Variants in HTR2A observed in about 807,000 individuals in gnomAD.
HTR2A encodes 5-HT2 receptor.
Under a neutral mutation model 31.0 loss-of-function variants are expected in HTR2A, and 14 were observed. The ratio of observed to expected loss-of-function variants is 0.45; its 90% CI spans 0.30 to 0.71. The LOEUF is 0.71. Among genes scored for constraint, HTR2A ranks in the 30% least tolerant of loss-of-function variants. HTR2A has a pLI of 0.09. For synonymous variants in HTR2A, 209 were observed against 225.2 expected, an observed-to-expected ratio of 0.93 and a Z score of 0.64; for missense variants, 442 against 573.3, an observed-to-expected ratio of 0.77 and a Z score of 2.34.
At chr13:46,848,444 A>C (rs1461306843) in intron 3 of HTR2A, among the ~76,000 whole-genome samples, 2 of 152,220 alleles carry the variant, frequency 1.3e-5, no homozygotes, top group African/African-American at 2.4e-5. Context: ...TTAATGAGTC[A>C]AGGTAGAACT....
chr13:46,890,718 C>T (rs1193788926), intron 3 of HTR2A, among the ~76,000 whole-genome samples: 2 of 152,106 alleles, frequency 1.3e-5, no homozygotes, highest in East Asian at 1.9e-4. Flanking sequence ...ACCAATGGCA[C>T]AGTATATTGG....
intron 3 of HTR2A, among the ~76,000 whole-genome samples, chr13:46,885,004 C>T (rs1950995487): frequency 6.6e-6 from 1 of 152,122 alleles, no homozygotes; most frequent in African/African-American, 2.4e-5. Flanking sequence ...ATTCCAAGAC[C>T]TCCAGTAGAT....
intron 3 of HTR2A, 31 bp from the exon 4 acceptor site, chr13:46,835,670 A>G (rs1158460621): frequency 1.3e-6 from 2 of 1,506,284 alleles, no homozygotes; most frequent in Non-Finnish European, 1.8e-6. Context: ...AAACATGATT[A>G]TTAAGGAATT....
chr13:46,863,391 G>A (rs1239268752), intron 3 of HTR2A, among the ~76,000 whole-genome samples: 5 of 152,042 alleles, frequency 3.3e-5, no homozygotes, highest in African/African-American at 4.8e-5. Context: ...GGAAGGCTGA[G>A]GTGGAAGGAT....
At chr13:46,877,687 A>G (rs950107180) in intron 3 of HTR2A, among the ~76,000 whole-genome samples, 2 of 152,100 alleles carry the variant, frequency 1.3e-5, no homozygotes, top group South Asian at 4.2e-4. Context: ...GTGACCTAGT[A>G]GGGGAATAAA....
At chr13:46,897,431 T>C (rs1347490387), upstream of HTR2A, among the ~76,000 whole-genome samples, 1 of 152,212 alleles carries the variant, frequency 6.6e-6, no homozygotes, top group Non-Finnish European at 1.5e-5. Context: ...TAGGCACGTC[T>C]GTGGTGATAA....
intron 3 of HTR2A, among the ~76,000 whole-genome samples, chr13:46,874,511 T>C (rs1465732110): frequency 6.6e-6 from 1 of 152,256 alleles, no homozygotes; most frequent in African/African-American, 2.4e-5. Flanking sequence ...GTTAAATATA[T>C]GTACACATAT....
chr13:46,863,878 A>T (rs1305825940), intron 3 of HTR2A, among the ~76,000 whole-genome samples: 1 of 152,108 alleles, frequency 6.6e-6, no homozygotes, highest in Admixed American at 6.5e-5. Context: ...AAAGATCTAG[A>T]GGCAGAAATA....
At chr13:46,861,739 T>C (rs1160023931) in intron 3 of HTR2A, among the ~76,000 whole-genome samples, 1 of 152,200 alleles carries the variant, frequency 6.6e-6, no homozygotes, top group African/African-American at 2.4e-5. Context: ...GAGCAATTAG[T>C]GTTTGGGAGA....
In HTR2A at chr13:46,858,934, A is replaced by G. The variant is rs531011274; in HGVS notation, c.614-23295T>C. On this transcript the variant is annotated intron_variant, in intron 3 of 3. Coordinates refer to ENST00000542664, the MANE Select transcript of HTR2A (RefSeq NM_000621.5). ...CCCTGATCTCACAATTGACTGAAAA[A>G]TCATGAGTCACTAAGACGTTCGAAT... Among the ~76,000 whole-genome samples, 3 of 152,324 alleles carry G rather than the reference A, an allele frequency of 2.0e-5. No individual in the cohort carries two copies. The South Asian group carries it at 6.2e-4, about 32-fold the overall frequency.
Position 46,895,966 on chromosome 13 carries a change from C to T in HTR2A, c.-60G>A. 1.3e-6 allele frequency: 2 copies of T among 1,541,470 alleles called. No homozygotes were observed. The highest frequency in any genetic ancestry group is 1.3e-5 in the South Asian group (1 of 77,898). On this transcript the variant is annotated 5_prime_UTR_variant, in exon 2 of 4. Transcript: ENST00000542664. The surrounding 1 kb of genome is among the most constrained non-coding windows in gnomAD (Gnocchi z 4.4). ...AAGGACTAACAGGTTATAGTTTCTG[C>T]TCACCATTCACCTTGATGTACCCAC... is the stretch of plus-strand genomic sequence containing the variant.
rs116244453 is a variant in HTR2A at position 46,894,414 on chromosome 13, T to G, written c.412+1081A>C. The stretch of plus-strand genomic sequence containing the variant: ...GATGCCGGGGAAAGGGCAGGCAAAT[T>G]AAATGAAATCATTCCGGTGTGGCAT... On this transcript the variant is annotated intron_variant, in intron 2 of 3. Coordinates refer to ENST00000542664, the MANE Select transcript of HTR2A (RefSeq NM_000621.5). Among the ~76,000 whole-genome samples, 1,234 of 152,298 alleles carry G rather than the reference T, an allele frequency of 8.1e-3. 22 individuals carry two copies. The highest frequency in any genetic ancestry group is 0.028 in the African/African-American group (1,146 of 41,566).
chr13:46,865,557 G>A (rs969052782), intron 3 of HTR2A, among the ~76,000 whole-genome samples: 19 of 152,210 alleles, frequency 1.2e-4, no homozygotes, highest in African/African-American at 4.6e-4. Context: ...GACTGTACTT[G>A]GAGCAGCAAT....
At chr13:46,842,841 C>T (rs1265670891) in intron 3 of HTR2A, among the ~76,000 whole-genome samples, 2 of 152,212 alleles carry the variant, frequency 1.3e-5, no homozygotes, top group African/African-American at 2.4e-5. Flanking sequence ...TATGTCTTCT[C>T]TCAGTAGCTT....
intron 3 of HTR2A, among the ~76,000 whole-genome samples, chr13:46,843,529 G>A (rs977356244): frequency 2.6e-4 from 40 of 152,204 alleles, no homozygotes; most frequent in African/African-American, 9.6e-4. Flanking sequence ...GACTCCTGAG[G>A]GCATAGGCCT....
At chr13:46,877,230 G>A (rs995664861) in intron 3 of HTR2A, among the ~76,000 whole-genome samples, 7 of 152,148 alleles carry the variant, frequency 4.6e-5, no homozygotes, top group African/African-American at 1.2e-4. Context: ...ATTCCAATAC[G>A]GCAGAACTCG....
At chr13:46,845,643 C>CAAAAAAAAAA (rs11394720) in intron 3 of HTR2A, among the ~76,000 whole-genome samples, 1 of 112,980 alleles carries the variant, frequency 8.9e-6, no homozygotes, top group Non-Finnish European at 1.9e-5. Flanking sequence ...TTCATCACTC[C>CAAAAAAAAAA]AAAAAAAAAA....
rs543878935 is a variant in HTR2A, at chr13:46,876,637, C to T, written c.613+15753G>A. On this transcript the variant is annotated intron_variant, in intron 3 of 3. Coordinates refer to ENST00000542664, the MANE Select transcript of HTR2A (RefSeq NM_000621.5). ...TTCACTGTGTTAGCCAGGATGGTCT[C>T]GATCTCCTGACCTTGTGATCCATCC... is the stretch of plus-strand genomic sequence containing the variant. 1.4e-4 allele frequency among the ~76,000 whole-genome samples: 21 copies of T among 151,812 alleles called. No individual in the cohort carries two copies. In the East Asian group the frequency reaches 1.7e-3, roughly 13 times the overall value.
intron 3 of HTR2A, among the ~76,000 whole-genome samples, chr13:46,840,561 A>G (rs1466760300): frequency 6.6e-6 from 1 of 152,210 alleles, no homozygotes; most frequent in African/African-American, 2.4e-5. Flanking sequence ...CTTTACAGAT[A>G]TGAAAACTTG....
Sources: allele counts gnomAD v4.1 joint callset (sites outside exome capture counted in the v4.1 genomes callset), GRCh38; gene constraint gnomAD v4.1.1; non-coding constraint Gnocchi (gnomAD v3.1); transcripts MANE v1.5; gene names NCBI Gene and HGNC (gene_info 2026-07-23, HGNC 2026-07-21).